GABRA3: variants seen among roughly 807,000 people sequenced by gnomAD.
GABRA3 encodes the protein gamma-aminobutyric acid receptor subunit alpha-3.
GABRA3 carries 10 observed loss-of-function variants against 30.1 expected under a neutral mutation model. That is an observed-to-expected ratio of 0.33 (90% confidence interval 0.20 to 0.56). The LOEUF is 0.56. Among genes scored for constraint, GABRA3 ranks in the 20% least tolerant of loss-of-function variants. The pLI is 0.89. For missense variants in GABRA3, 233 were observed against 392.0 expected, an observed-to-expected ratio of 0.59 and a Z score of 3.42; for synonymous variants, 151 against 146.8, an observed-to-expected ratio of 1.03 and a Z score of -0.21.
In GABRA3 at chrX:152,382,167, CAT is replaced by C. The variant is rs746389616; in HGVS notation, c.-26-17573_-26-17572del. ...AGAAGACAATTATGCAGCCAACAAA[CAT>C]ATGAAAAAAAGTTCATCATCACTGG... On this transcript the variant is annotated intron_variant, in intron 1 of 9. Coordinates refer to ENST00000370314, the MANE Select transcript of GABRA3 (RefSeq NM_000808.4). Among the ~76,000 whole-genome samples the C allele has an allele frequency of 3.8e-4, 43 of 112,207 alleles. 1 individual carries two copies. In the East Asian group the frequency reaches 9.6e-3, roughly 25 times the overall value.
At chrX:152,254,055 C>T (rs1423811170) in intron 5 of GABRA3, among the ~76,000 whole-genome samples, 1 of 111,547 alleles carries the variant, frequency 9.0e-6, no homozygotes, top group Non-Finnish European at 1.9e-5. Context: ...TCTTTCTCCC[C>T]TATTATATTG....
chrX:152,389,789 A>G (rs969537937), intron 1 of GABRA3, among the ~76,000 whole-genome samples: 3 of 111,303 alleles, frequency 2.7e-5, no homozygotes, highest in Non-Finnish European at 3.8e-5. Context: ...CCTAAAAACC[A>G]TCATGCATCA....
At chrX:152,405,542 G>A (rs992682782) in intron 1 of GABRA3, among the ~76,000 whole-genome samples, 19 of 110,312 alleles carry the variant, frequency 1.7e-4, no homozygotes, top group Admixed American at 1.3e-3. Flanking sequence ...ACTCCAGGCA[G>A]TGCATCTCAA....
intron 3 of GABRA3, among the ~76,000 whole-genome samples, chrX:152,330,586 A>T (rs900199910): frequency 9.0e-6 from 1 of 110,516 alleles, no homozygotes; most frequent in Non-Finnish European, 1.9e-5. Context: ...ATTCTGAGCA[A>T]ACTATCGCAA....
intron 4 of GABRA3, among the ~76,000 whole-genome samples, chrX:152,273,263 G>T (rs760014209): frequency 1.8e-5 from 2 of 111,962 alleles, no homozygotes; most frequent in African/African-American, 6.5e-5. Flanking sequence ...AGTGAAAATG[G>T]CTTCTATCTG....
intron 1 of GABRA3, among the ~76,000 whole-genome samples, chrX:152,415,520 G>A (rs959633322): frequency 1.8e-5 from 2 of 111,033 alleles, no homozygotes; most frequent in African/African-American, 6.5e-5. Flanking sequence ...TGATTGAACA[G>A]TTCTTTATCT....
At chrX:152,188,785 G>A (rs989457239) in intron 9 of GABRA3, among the ~76,000 whole-genome samples, 5 of 111,308 alleles carry the variant, frequency 4.5e-5, no homozygotes, top group Non-Finnish European at 7.5e-5. Flanking sequence ...AATCATTATC[G>A]TTTCTCTTCT....
rs932243936 is a variant in GABRA3 at position 152,276,509 on chromosome X, C to G, written c.330+8159G>C. 5.4e-5 allele frequency among the ~76,000 whole-genome samples: 6 copies of G among 111,406 alleles called. No homozygotes were observed. The Admixed American group carries it at 5.8e-4, about 11-fold the overall frequency. On this transcript the variant is annotated intron_variant, in intron 4 of 9. Coordinates refer to ENST00000370314, the MANE Select transcript of GABRA3 (RefSeq NM_000808.4). Reference sequence around the variant, plus strand: ...AGCCCTAACAAACCACAAATTTTATCTTTAGGTACACACCCTAAAGAAATT... The same window carrying G: ...AGCCCTAACAAACCACAAATTTTATGTTTAGGTACACACCCTAAAGAAATT...
intron 5 of GABRA3, among the ~76,000 whole-genome samples, chrX:152,236,150 C>T (rs9698533): frequency 0.048 from 3,332 of 69,529 alleles, 278 homozygotes; most frequent in East Asian, 0.34. Flanking sequence ...CCCCCTCCCC[C>T]CACCCCACCA....
At chrX:152,446,871 C>T (rs1427989677) in intron 1 of GABRA3, among the ~76,000 whole-genome samples, 1 of 111,888 alleles carries the variant, frequency 8.9e-6, no homozygotes, top group Non-Finnish European at 1.9e-5. Context: ...CAGTCAAGCC[C>T]TCCATCTATC....
intron 1 of GABRA3, chrX:152,389,320 T>C (rs745885973): frequency 1.8e-5 from 2 of 112,142 alleles, no homozygotes; most frequent in African/African-American, 3.2e-5. Flanking sequence ...CAGGAGGAAG[T>C]AGCCATGATG....
At chrX:152,440,482 C>T (rs914040450) in intron 1 of GABRA3, among the ~76,000 whole-genome samples, 28 of 112,103 alleles carry the variant, frequency 2.5e-4, no homozygotes, top group African/African-American at 7.8e-4. Context: ...TGATCTCGAA[C>T]TAGAAATACC....
chrX:152,190,624 T>A (rs1394830493), intron 8 of GABRA3, among the ~76,000 whole-genome samples: 2 of 110,411 alleles, frequency 1.8e-5, no homozygotes, highest in Non-Finnish European at 3.8e-5. Context: ...AGTCTTCTGA[T>A]AATGCAGCAA....
chrX:152,346,956 G>A (rs1277998001), intron 2 of GABRA3, among the ~76,000 whole-genome samples: 3 of 111,733 alleles, frequency 2.7e-5, no homozygotes, highest in Non-Finnish European at 5.7e-5. Context: ...ATTAAAAATA[G>A]AGCTACCATA....
At chrX:152,377,473 G>A (rs551147441) in intron 1 of GABRA3, among the ~76,000 whole-genome samples, 2 of 111,141 alleles carry the variant, frequency 1.8e-5, no homozygotes, top group South Asian at 7.5e-4. Flanking sequence ...ATTGAAATTT[G>A]TTCTCTAAAT....
chrX:152,415,528 T>A (rs1307776673), intron 1 of GABRA3, among the ~76,000 whole-genome samples: 1 of 111,101 alleles, frequency 9.0e-6, no homozygotes, highest in Non-Finnish European at 1.9e-5. Flanking sequence ...CAGTTCTTTA[T>A]CTTGATTGTG....
At chrX:152,347,557 T>C (rs1309991462) in intron 2 of GABRA3, among the ~76,000 whole-genome samples, 1 of 111,566 alleles carries the variant, frequency 9.0e-6, no homozygotes, top group African/African-American at 3.3e-5. Context: ...TATTTCATAT[T>C]GCATGCCTGT....
At chrX:152,203,044 G>A (rs1235156384) in intron 7 of GABRA3, among the ~76,000 whole-genome samples, 1 of 111,441 alleles carries the variant, frequency 9.0e-6, no homozygotes, top group African/African-American at 3.3e-5. Context: ...CAGTGTAGAT[G>A]AGAAGCAGCA....
chrX:152,253,926 C>T (rs1397475197), intron 5 of GABRA3, among the ~76,000 whole-genome samples: 1 of 111,648 alleles, frequency 9.0e-6, no homozygotes, highest in Non-Finnish European at 1.9e-5. Flanking sequence ...GTTGCCTTAT[C>T]CAGGGACTCT....
Sources: gnomAD v4.1 joint callset for allele counts (sites outside exome capture counted in the v4.1 genomes callset) on GRCh38, gnomAD v4.1.1 for gene constraint, MANE v1.5 for transcripts, NCBI Gene and HGNC (gene_info 2026-07-23, HGNC 2026-07-21) for gene names.